Variants in PPARGC1A observed in about 807,000 individuals in gnomAD.
PPARGC1A encodes the protein PPARG coactivator 1 alpha, also known as peroxisome proliferator-activated receptor gamma coactivator 1-alpha.
Under a neutral mutation model 88.7 loss-of-function variants are expected in PPARGC1A, and 25 were observed. The observed-to-expected ratio is 0.28, with a 90% confidence interval of 0.21 to 0.39. The LOEUF is 0.39. Among genes scored for constraint, PPARGC1A ranks in the 10% least tolerant of loss-of-function variants. The pLI, the probability that PPARGC1A is intolerant of heterozygous loss-of-function variation, is 1.00. For synonymous variants in PPARGC1A, 363 were observed against 355.6 expected (o/e 1.02, Z -0.24); for missense variants, 880 against 968.7 (o/e 0.91, Z 1.22).
At chr4:24,234,088 A>G in the PPARGC1A span, among the ~76,000 whole-genome samples, 1 of 152,226 alleles carries the variant, frequency 6.6e-6, no homozygotes, top group Admixed American at 6.5e-5. Context: ...TAGAACTTTG[A>G]CTGCATAATT....
the PPARGC1A span, among the ~76,000 whole-genome samples, chr4:24,405,400 T>C: frequency 6.6e-6 from 1 of 152,232 alleles, no homozygotes; most frequent in Non-Finnish European, 1.5e-5. Context: ...AGAGCTTTTA[T>C]GCAAATTTGA....
At chr4:24,135,997 G>C in the PPARGC1A span, among the ~76,000 whole-genome samples, 1 of 152,112 alleles carries the variant, frequency 6.6e-6, no homozygotes, top group African/African-American at 2.4e-5. Context: ...GAGCAGAGGG[G>C]GTACGCTTCC....
intron 2 of PPARGC1A, chr4:23,882,079 T>A (rs1304063434): frequency 1.3e-5 from 2 of 152,258 alleles, no homozygotes; most frequent in Admixed American, 6.5e-5. Flanking sequence ...GGTGTCCTCA[T>A]GCCATGCAAA....
At chr4:23,948,886 C>A in the PPARGC1A span, among the ~76,000 whole-genome samples, 3 of 152,158 alleles carry the variant, frequency 2.0e-5, no homozygotes, top group Non-Finnish European at 2.9e-5. Context: ...ATCTAAAAGG[C>A]TAGTGACCAA....
the PPARGC1A span, among the ~76,000 whole-genome samples, chr4:24,071,851 G>A: frequency 6.6e-6 from 1 of 152,196 alleles, no homozygotes; most frequent in Admixed American, 6.6e-5. Context: ...GAATTCACCT[G>A]GATCATGAGA....
chr4:23,829,473 G>T lies in PPARGC1A; in HGVS notation c.542C>A (p.Ala181Glu), dbSNP rs757532753. 2.5e-6 allele frequency: 4 copies of T among 1,612,586 alleles called. No homozygotes were observed. Among genetic ancestry groups the T allele is most frequent in the East Asian group, 2.2e-5 (1 of 44,878 alleles). ...AATTTACATTTGTACCTTAACAATT[G>T]CAGGGTTTGTTCTGATCCTGTGATT... ...NHNHRIRTNP[A>E]IVKTENSWSN... The change falls in exon 4 of 13, where the codon GCA (alanine) becomes GAA (glutamate). Residue 181 changes from alanine to glutamate, a missense_variant. By Grantham distance (107) the Ala-to-Glu change is moderately radical. Coordinates refer to ENST00000264867, the MANE Select transcript of PPARGC1A (RefSeq NM_013261.5).
At chr4:24,388,312 A>G in the PPARGC1A span, among the ~76,000 whole-genome samples, 2 of 152,250 alleles carry the variant, frequency 1.3e-5, no homozygotes, top group Non-Finnish European at 2.9e-5. Flanking sequence ...TTAAAAAGTC[A>G]GGAAACAACA....
chr4:24,209,837 G>A, the PPARGC1A span, among the ~76,000 whole-genome samples: 6 of 152,262 alleles, frequency 3.9e-5, no homozygotes, highest in Admixed American at 3.9e-4. Flanking sequence ...TTTATTGGAG[G>A]TATATGCTCA....
chr4:24,209,328 A>T, the PPARGC1A span, among the ~76,000 whole-genome samples: 1 of 152,208 alleles, frequency 6.6e-6, no homozygotes, highest in African/African-American at 2.4e-5. Context: ...GGAGGAGAAC[A>T]TTCCTACTGA....
chr4:23,932,292 C>CGCTTAGTTCCTG, the PPARGC1A span, among the ~76,000 whole-genome samples: 2 of 152,136 alleles, frequency 1.3e-5, no homozygotes, highest in African/African-American at 2.4e-5. Flanking sequence ...ATTAGTTCCT[C>CGCTTAGTTCCTG]GCTTAGTTCC....
intron 1 of PPARGC1A, among the ~76,000 whole-genome samples, chr4:23,899,002 AT>A (rs1011631709): frequency 3.9e-4 from 57 of 146,428 alleles, no homozygotes; most frequent in African/African-American, 5.2e-4. Flanking sequence ...CGCCCGGCTA[AT>A]TTTTTTTTTT....
chr4:24,470,271 G>GACACAGACACAC, the PPARGC1A span, among the ~76,000 whole-genome samples: 6 of 71,970 alleles, frequency 8.3e-5, no homozygotes, highest in Non-Finnish European at 1.5e-4. This position sits in a 1 kb window ranked among gnomAD's most constrained non-coding sequence, Gnocchi z 5.8. Context: ...CTCATCGACA[G>GACACAGACACAC]ACACAGACAC....
the PPARGC1A span, among the ~76,000 whole-genome samples, chr4:24,182,524 TG>T: frequency 6.6e-6 from 1 of 152,184 alleles, no homozygotes; most frequent in Non-Finnish European, 1.5e-5. Flanking sequence ...GTAATGGGAT[TG>T]CTGGGTCAAA....
At chr4:24,297,659 T>C in the PPARGC1A span, among the ~76,000 whole-genome samples, 1 of 152,134 alleles carries the variant, frequency 6.6e-6, no homozygotes, top group Non-Finnish European at 1.5e-5. Flanking sequence ...TCAGGAGCTT[T>C]GAAGGAAGTG....
Position 23,829,748 on chromosome 4 carries a change from T to C in PPARGC1A, c.430-163A>G, listed in dbSNP as rs1026193309. ...TAGCGCAATAGTGCTACAGGAAATA[T>C]GATATTTAAAGAGTAGAAAAAAGTT... On this transcript the variant is annotated intron_variant, in intron 3 of 12. Coordinates refer to ENST00000264867, the MANE Select transcript of PPARGC1A (RefSeq NM_013261.5). 8.4e-6 allele frequency: 5 copies of C among 596,304 alleles called. No individual in the cohort carries two copies. The African/African-American group carries it at 9.5e-5, about 11-fold the overall frequency. The allele number at this position is 596,304 out of a possible 1,614,324, so 36.9% of individuals were successfully genotyped here.
intron 2 of PPARGC1A, among the ~76,000 whole-genome samples, chr4:23,856,423 A>G (rs1730207719): frequency 6.6e-6 from 1 of 152,220 alleles, no homozygotes; most frequent in African/African-American, 2.4e-5. Flanking sequence ...CCCATCAGAG[A>G]GAGGCCCGGG....
chr4:23,993,109 A>C, the PPARGC1A span, among the ~76,000 whole-genome samples: 2 of 152,172 alleles, frequency 1.3e-5, no homozygotes, highest in Non-Finnish European at 2.9e-5. Flanking sequence ...AACAAAAAAA[A>C]GGGCAAACTC....
At chr4:24,170,222 C>A in the PPARGC1A span, among the ~76,000 whole-genome samples, 1 of 152,108 alleles carries the variant, frequency 6.6e-6, no homozygotes, top group Non-Finnish European at 1.5e-5. Context: ...ATCAGTTAGT[C>A]CCTCACAGTT....
the PPARGC1A span, among the ~76,000 whole-genome samples, chr4:24,035,342 C>A: frequency 6.6e-6 from 1 of 151,878 alleles, no homozygotes; most frequent in Non-Finnish European, 1.5e-5. Context: ...GAGTTCGAGA[C>A]CAGATGGGCC....
Sources: allele counts gnomAD v4.1 joint callset (sites outside exome capture counted in the v4.1 genomes callset), GRCh38; gene constraint gnomAD v4.1.1; non-coding constraint Gnocchi (gnomAD v3.1); transcripts MANE v1.5; gene names NCBI Gene and HGNC (gene_info 2026-07-23, HGNC 2026-07-21).